The following RFLNA variants were observed in gnomAD, a reference collection of about 807,000 sequenced individuals.
RFLNA encodes refilin-A.
In RFLNA, 5 loss-of-function variants were observed where a neutral mutation model predicts 7.8. That is an observed-to-expected ratio of 0.64 (90% CI 0.34 to 1.35). The LOEUF (loss-of-function observed/expected upper bound fraction) is 1.35, where lower values mean the gene tolerates loss of function less well. Ranked by LOEUF, RFLNA falls within the 40% of genes most tolerant of loss-of-function variation. The pLI is 0.04. For missense variants in RFLNA, 278 were observed against 305.5 expected (o/e 0.91, Z 0.67); for synonymous variants, 141 against 131.3 (o/e 1.07, Z -0.50).
intron 2 of RFLNA, among the ~76,000 whole-genome samples, chr12:124,312,316 ATT>A (rs11453894): frequency 2.1e-5 from 3 of 144,818 alleles, no homozygotes; most frequent in Admixed American, 6.9e-5. Context: ...CTCCTGCCAG[ATT>A]TTTTTTTTTT....
At chr12:124,301,322 T>C (rs891566138) in intron 1 of RFLNA, among the ~76,000 whole-genome samples, 5 of 152,224 alleles carry the variant, frequency 3.3e-5, no homozygotes, top group Non-Finnish European at 7.3e-5. Context: ...AACTCAGCTA[T>C]ATCTGCAGCT....
chr12:124,313,255 T>G (rs2034285121), intron 2 of RFLNA, among the ~76,000 whole-genome samples: 1 of 152,106 alleles, frequency 6.6e-6, no homozygotes, highest in Non-Finnish European at 1.5e-5. Flanking sequence ...GAGGATTCTC[T>G]CCTTCCCAGA....
In RFLNA at chr12:124,304,784, T is replaced by C. The variant is rs142273152; in HGVS notation, c.208-7034T>C. Among the ~76,000 whole-genome samples the C allele has an allele frequency of 2.9e-3, 438 of 152,294 alleles. 2 individuals carry two copies. The highest frequency in any genetic ancestry group is 0.01 in the African/African-American group (417 of 41,566). Reference sequence around the variant, plus strand: ...GAAACACCTCCCCAAACCTTAGTGCTCATGTTTATGTCCCCTTCCACACTG... The same window carrying C: ...GAAACACCTCCCCAAACCTTAGTGCCCATGTTTATGTCCCCTTCCACACTG... On this transcript the variant is annotated intron_variant, in intron 1 of 2. Transcript: ENST00000546355.
intron 1 of RFLNA, among the ~76,000 whole-genome samples, chr12:124,305,367 G>A (rs1305938308): frequency 1.3e-5 from 2 of 152,248 alleles, no homozygotes; most frequent in Non-Finnish European, 2.9e-5. Flanking sequence ...CTTCAGAGAC[G>A]TGGAGGCTGT....
Position 124,314,866 on chromosome 12 carries a change from C to T in RFLNA, c.*341C>T, listed in dbSNP as rs1451336968. The T allele has an allele frequency of 4.4e-6, 2 of 457,402 alleles. No homozygotes were observed. The highest frequency in any genetic ancestry group is 8.5e-6 in the Non-Finnish European group (2 of 234,962). 28.3% of individuals were successfully genotyped at this position (457,402 alleles called of 1,614,324 possible). A position where few individuals can be genotyped will look rare whatever the true frequency, so the allele number is the denominator to read the frequency against. ...GGAGTGCCCTTGAAGCAGAGAACAGCCCCGAGCAGTGTGAGGACAGAGGCA... is the reference window on the plus strand; with the variant it reads ...GGAGTGCCCTTGAAGCAGAGAACAGTCCCGAGCAGTGTGAGGACAGAGGCA... On this transcript the variant is annotated 3_prime_UTR_variant, in exon 3 of 3. Coordinates refer to ENST00000546355, the MANE Select transcript of RFLNA (RefSeq NM_001365156.1).
chr12:124,314,280 G>A lies in RFLNA; in HGVS notation c.406G>A (p.Glu136Lys). 4.3e-6 allele frequency: 7 copies of A among 1,613,646 alleles called. No individual in the cohort carries two copies. Among genetic ancestry groups the A allele is most frequent in the Non-Finnish European group, 5.9e-6 (7 of 1,180,018 alleles). The change falls in exon 3 of 3, where the codon GAG becomes AAG. Residue 136 changes from glutamate to lysine, a missense_variant. By Grantham distance (56) the Glu-to-Lys change is moderately conservative. Transcript: ENST00000546355. The part of the protein sequence containing the change: ...APVPTVTAYS[E>K]TIVAAPNCTW... ...CGTACCCACCGTCACGGCCTACAGCGAGACCATCGTGGCAGCACCCAACTG... is the reference window on the plus strand; with the variant it reads ...CGTACCCACCGTCACGGCCTACAGCAAGACCATCGTGGCAGCACCCAACTG...
intron 1 of RFLNA, 121 bp downstream of exon 1, chr12:124,295,757 C>T (rs11057567): frequency 0.085 from 88,028 of 1,034,820 alleles, 4,143 homozygotes; most frequent in African/African-American, 0.16. Flanking sequence ...GCCCCGCAAC[C>T]ACGAAGGTGG....
chr12:124,310,208 CAG>C (rs2034217224), intron 1 of RFLNA, among the ~76,000 whole-genome samples: 1 of 49,064 alleles, frequency 2.0e-5, no homozygotes, highest in Non-Finnish European at 5.3e-5. Context: ...CCTTTAGAAA[CAG>C]AGCCTCCTGG....
intron 1 of RFLNA, among the ~76,000 whole-genome samples, chr12:124,305,678 A>C (rs548295622): frequency 6.6e-6 from 1 of 151,990 alleles, no homozygotes. Context: ...CCGTTCTCTG[A>C]CTCTGACCCC....
intron 1 of RFLNA, among the ~76,000 whole-genome samples, chr12:124,301,267 G>C (rs907943011): frequency 1.1e-4 from 16 of 152,346 alleles, no homozygotes; most frequent in African/African-American, 2.9e-4. Context: ...ATTCAGCAAA[G>C]TGTCTGACAG....
chr12:124,299,771 G>A (rs2033993633), intron 1 of RFLNA, among the ~76,000 whole-genome samples: 1 of 152,176 alleles, frequency 6.6e-6, no homozygotes, highest in Non-Finnish European at 1.5e-5. Flanking sequence ...GCATTTGTCA[G>A]CTCACAGATA....
At chr12:124,297,462 T>C (rs1227516035) in intron 1 of RFLNA, among the ~76,000 whole-genome samples, 1 of 152,204 alleles carries the variant, frequency 6.6e-6, no homozygotes, top group Admixed American at 6.5e-5. Flanking sequence ...AAGCTCTTTA[T>C]TTACACCAAT....
Position 124,314,376 on chromosome 12 carries a change from A to G in RFLNA, c.502A>G (p.Thr168Ala). The change falls in exon 3 of 3, where the codon ACC becomes GCC. Residue 168 changes from threonine to alanine, a missense_variant. Coordinates refer to ENST00000546355, the MANE Select transcript of RFLNA (RefSeq NM_001365156.1). ...RPRALRFRST[T>A]IIFPKHARST... ...GCGCGCCCTGCGCTTCCGCAGCACC[A>G]CCATCATCTTCCCCAAGCATGCCAG... 6.2e-7 allele frequency: 1 copy of G among 1,612,264 alleles called. No homozygotes were observed.
intron 1 of RFLNA, among the ~76,000 whole-genome samples, chr12:124,310,503 GGTGGACTGCAGGGAGGGGGA>G (rs1351524825): frequency 9.3e-3 from 14 of 1,504 alleles, no homozygotes; most frequent in African/African-American, 0.012. Flanking sequence ...GGGAGGGGGA[GGTGGACTGCAGGGAGGGGGA>G]GGTGGACTGC....
chr12:124,314,800 T>A lies in RFLNA; in HGVS notation c.*275T>A. 1 of 655,522 alleles carries A rather than the reference T, an allele frequency of 1.5e-6. No homozygotes were observed. Among genetic ancestry groups the A allele is most frequent in the Non-Finnish European group, 2.8e-6 (1 of 356,926 alleles). 40.6% of individuals were successfully genotyped at this position (655,522 alleles called of 1,614,324 possible). A position where few individuals can be genotyped will look rare whatever the true frequency, so the allele number is the denominator to read the frequency against. ...GGCGGTAGGGGCATGCACTGTTAGG[T>A]GGTGGCCACCCCCAGGGTCAGGGGA... On this transcript the variant is annotated 3_prime_UTR_variant, in exon 3 of 3. Transcript: ENST00000546355.
chr12:124,296,536 G>C (rs943892301), intron 1 of RFLNA, among the ~76,000 whole-genome samples: 9 of 146,838 alleles, frequency 6.1e-5, no homozygotes, highest in East Asian at 1.9e-4. Flanking sequence ...TTTACTGCTG[G>C]GGCGTGTGTG....
At chr12:124,313,660 C>T (rs2034294517) in intron 2 of RFLNA, among the ~76,000 whole-genome samples, 1 of 144,120 alleles carries the variant, frequency 6.9e-6, no homozygotes. Context: ...GCCTGGGTGA[C>T]AGAGCGAGAC....
chr12:124,311,036 C>T (rs1479797637), intron 1 of RFLNA, among the ~76,000 whole-genome samples: 1 of 152,200 alleles, frequency 6.6e-6, no homozygotes, highest in African/African-American at 2.4e-5. Context: ...ACATCTTTGA[C>T]TCCTGCTCTC....
intron 1 of RFLNA, among the ~76,000 whole-genome samples, chr12:124,300,679 G>A (rs2034012937): frequency 6.6e-6 from 1 of 151,142 alleles, no homozygotes; most frequent in East Asian, 2.0e-4. Context: ...AGGATGGATC[G>A]ATGGGCAAAT....
Sources: allele counts gnomAD v4.1 joint callset (sites outside exome capture counted in the v4.1 genomes callset), GRCh38; gene constraint gnomAD v4.1.1; transcripts MANE v1.5; gene names NCBI Gene and HGNC (gene_info 2026-07-23, HGNC 2026-07-21).